GSAP: variants seen among roughly 807,000 people sequenced by gnomAD.
The protein encoded by GSAP is gamma-secretase activating protein.
GSAP carries 118 observed loss-of-function variants against 131.7 expected under a neutral mutation model. The observed-to-expected ratio is 0.90, with a 90% confidence interval of 0.77 to 1.04. The LOEUF is 1.04. Ranked by LOEUF, GSAP falls within the 50% of genes least tolerant of loss-of-function variation. GSAP has a pLI of 0.00. For missense variants in GSAP, 1,019 were observed against 1,013.2 expected (o/e 1.01, Z -0.08); for synonymous variants, 381 against 363.4 (o/e 1.05, Z -0.55).
At chr7:77,339,871 C>A (rs1046778475) in intron 19 of GSAP, among the ~76,000 whole-genome samples, 1 of 152,192 alleles carries the variant, frequency 6.6e-6, no homozygotes, top group Admixed American at 6.5e-5. Flanking sequence ...TGAAAATACA[C>A]AATGTTGATA....
chr7:77,354,698 TA>T (rs1793395636), intron 16 of GSAP, among the ~76,000 whole-genome samples: 1 of 150,814 alleles, frequency 6.6e-6, no homozygotes, highest in Non-Finnish European at 1.5e-5. Context: ...TTTTTGTAGT[TA>T]ACCAGCCACT....
intron 19 of GSAP, chr7:77,330,720 C>A: frequency 3.0e-6 from 3 of 990,306 alleles, no homozygotes; most frequent in Non-Finnish European, 3.6e-6. Context: ...CCCTTGAGAC[C>A]CGTTTTTATG....
At chr7:77,357,706 G>T (rs939086801) in intron 14 of GSAP, among the ~76,000 whole-genome samples, 1 of 152,144 alleles carries the variant, frequency 6.6e-6, no homozygotes, top group Non-Finnish European at 1.5e-5. Flanking sequence ...GCCATCCTGG[G>T]CTGTGGGTTG....
chr7:77,345,725 T>C (rs951182836), intron 19 of GSAP, among the ~76,000 whole-genome samples: 1 of 152,076 alleles, frequency 6.6e-6, no homozygotes, highest in African/African-American at 2.4e-5. Flanking sequence ...TTAACTGTAA[T>C]TTTTGACTAC....
chr7:77,320,874 C>T, intron 25 of GSAP, 55 bp from the exon 26 acceptor site: 1 of 1,083,060 alleles, frequency 9.2e-7, no homozygotes, highest in South Asian at 1.3e-5. Flanking sequence ...TGTGATGCTC[C>T]ATTTGTCCTA....
Position 77,411,620 on chromosome 7 carries a change from CTAAA to C in GSAP, c.109+4589_109+4592del, listed in dbSNP as rs199608695. Reference sequence around the variant, plus strand: ...CTTATTAAGAGTCATTTAAAAAGATCTAAATAAATAATGAGCTGTATTTTGTTCA... The same window carrying C: ...CTTATTAAGAGTCATTTAAAAAGATCTAAATAATGAGCTGTATTTTGTTCA... On this transcript the variant is annotated intron_variant, in intron 1 of 30. Coordinates refer to ENST00000257626, the MANE Select transcript of GSAP (RefSeq NM_017439.4). 9.9e-3 allele frequency among the ~76,000 whole-genome samples: 1,513 copies of C among 152,202 alleles called. 28 individuals carry two copies. The highest frequency in any genetic ancestry group is 0.034 in the African/African-American group (1,417 of 41,522).
chr7:77,356,603 T>A (rs17152209), intron 14 of GSAP, among the ~76,000 whole-genome samples: 1 of 152,186 alleles, frequency 6.6e-6, no homozygotes, highest in African/African-American at 2.4e-5. Flanking sequence ...AATTCACACC[T>A]TCAGTCCCTG....
chr7:77,337,490 C>T (rs1790207561), intron 19 of GSAP, among the ~76,000 whole-genome samples: 1 of 152,118 alleles, frequency 6.6e-6, no homozygotes, highest in Admixed American at 6.5e-5. Flanking sequence ...CAGTTTAACA[C>T]CAGTGAAGAA....
At chr7:77,333,164 C>T (rs1476002038) in intron 19 of GSAP, among the ~76,000 whole-genome samples, 1 of 149,992 alleles carries the variant, frequency 6.7e-6, no homozygotes, top group Non-Finnish European at 1.5e-5. Context: ...AGACTGTCTC[C>T]AAAAAAAAAG....
In GSAP at chr7:77,375,095, C is replaced by T; in HGVS notation, c.748G>A (p.Val250Ile). The change falls in exon 11 of 31, where the codon GTA (valine) becomes ATA (isoleucine). Residue 250 changes from valine (V) to isoleucine (I), a missense_variant. Transcript: ENST00000257626. ...TTGCTTAATGATATGTCCAAGGGTA[C>T]TTCAAACTGTCAAAAAAATCAAAGA... ...ADESYNLMFE[V>I]PLDISLSNSG... 6.4e-7 allele frequency: 1 copy of T among 1,556,986 alleles called. No homozygotes were observed. Among genetic ancestry groups the T allele is most frequent in the South Asian group, 1.2e-5 (1 of 86,850 alleles).
At chr7:77,396,305 A>G (rs746979862) in intron 5 of GSAP, among the ~76,000 whole-genome samples, 2 of 152,146 alleles carry the variant, frequency 1.3e-5, no homozygotes, top group Non-Finnish European at 2.9e-5. Context: ...CTTACATTCA[A>G]TCTGCTTCAC....
chr7:77,389,260 A>AT (rs1191327234), intron 5 of GSAP, among the ~76,000 whole-genome samples: 5 of 150,408 alleles, frequency 3.3e-5, no homozygotes, highest in Non-Finnish European at 7.4e-5. Context: ...ATATATATAT[A>AT]TTTTTTTGAC....
At chr7:77,408,116 T>A (rs1481776283) in intron 1 of GSAP, among the ~76,000 whole-genome samples, 2 of 152,248 alleles carry the variant, frequency 1.3e-5, no homozygotes, top group Admixed American at 6.5e-5. Context: ...AATGTTTTCC[T>A]TCCTGTTCTG....
At chr7:77,407,249 T>C (rs2151193941) in intron 1 of GSAP, among the ~76,000 whole-genome samples, 1 of 152,336 alleles carries the variant, frequency 6.6e-6, no homozygotes, top group Middle Eastern at 3.4e-3. Flanking sequence ...AATAATTATT[T>C]TTACTTTAAG....
chr7:77,391,538 A>T (rs151274591), intron 5 of GSAP, among the ~76,000 whole-genome samples: 1 of 152,188 alleles, frequency 6.6e-6, no homozygotes, highest in Non-Finnish European at 1.5e-5. Flanking sequence ...AAACATAATA[A>T]AACATGCAGG....
At chr7:77,320,870 G>A (rs1787548514) in intron 25 of GSAP, 51 bp from the exon 26 acceptor site, 1 of 1,111,532 alleles carries the variant, frequency 9.0e-7, no homozygotes. Context: ...CATCTGTGAT[G>A]CTCCATTTGT....
Position 77,355,402 on chromosome 7 carries a change from A to G in GSAP, c.1149T>C (p.Pro383=). ...TGNNEMIDML[P]HCPLQSLSGS... ...CTGACAATGACTGTAAAGGGCAATG[A>G]GGTAGCATATCAATCATTTCATTAT... The change falls in exon 16 of 31, where the codon CCT becomes CCC. Residue 383 remains proline, a synonymous_variant. Transcript: ENST00000257626. The G allele has an allele frequency of 1.3e-6, 2 of 1,594,164 alleles. No individual in the cohort carries two copies. Among genetic ancestry groups the G allele is most frequent in the Non-Finnish European group, 1.7e-6 (2 of 1,163,254 alleles).
At chr7:77,407,801 G>A (rs1437189631) in intron 1 of GSAP, among the ~76,000 whole-genome samples, 1 of 151,884 alleles carries the variant, frequency 6.6e-6, no homozygotes, top group African/African-American at 2.4e-5. Flanking sequence ...ATTTAGCAAG[G>A]GACACATAAG....
chr7:77,334,010 C>G (rs764743073), intron 19 of GSAP, among the ~76,000 whole-genome samples: 2 of 152,078 alleles, frequency 1.3e-5, no homozygotes, highest in Non-Finnish European at 2.9e-5. Context: ...GACACTATGG[C>G]GATTCCTCAA....
Sources: gnomAD v4.1 joint callset for allele counts (sites outside exome capture counted in the v4.1 genomes callset) on GRCh38, gnomAD v4.1.1 for gene constraint, MANE v1.5 for transcripts, NCBI Gene and HGNC (gene_info 2026-07-23, HGNC 2026-07-21) for gene names.